UBE2F: variants seen among roughly 807,000 people sequenced by gnomAD.
The protein encoded by UBE2F is NEDD8-conjugating enzyme UBE2F.
In UBE2F, 5 loss-of-function variants were observed where a neutral mutation model predicts 29.6. The observed-to-expected ratio is 0.17, with a 90% CI of 0.09 to 0.36. The LOEUF (loss-of-function observed/expected upper bound fraction) is 0.36, where lower values mean the gene tolerates loss of function less well. Among genes scored for constraint, UBE2F ranks in the 10% least tolerant of loss-of-function variants. UBE2F has a pLI of 1.00. For missense variants in UBE2F, 141 were observed against 228.5 expected (o/e 0.62, Z 2.47); for synonymous variants, 66 against 81.8 (o/e 0.81, Z 1.04).
At chr2:238,032,832 A>G (rs372545868) in intron 8 of UBE2F, among the ~76,000 whole-genome samples, 5 of 151,996 alleles carry the variant, frequency 3.3e-5, no homozygotes, top group East Asian at 1.9e-4. Context: ...CCTTTTTTCT[A>G]TTGCTCTTTT....
At chr2:238,032,152 T>C in intron 7 of UBE2F, 70 bp from the exon 8 acceptor site, 1 of 1,256,656 alleles carries the variant, frequency 8.0e-7, no homozygotes, top group South Asian at 1.2e-5. Context: ...GCATATTTCT[T>C]GATCATGGGT....
Position 238,033,124 on chromosome 2 carries a change from A to T in UBE2F, c.444+870A>T, listed in dbSNP as rs565332006. Among the ~76,000 whole-genome samples, 248 of 152,052 alleles carry T rather than the reference A, an allele frequency of 1.6e-3. 2 individuals carry two copies. The highest frequency in any genetic ancestry group is 2.8e-3 in the Non-Finnish European group (192 of 67,996). On this transcript the variant is annotated intron_variant, in intron 8 of 9. Coordinates refer to ENST00000272930, the MANE Select transcript of UBE2F (RefSeq NM_080678.3). ...CTCCCAGGTGTTCTGGTTGGGGTGGATGATTTTGTGGTTACCCAGCCTTGA... is the reference window on the plus strand; with the variant it reads ...CTCCCAGGTGTTCTGGTTGGGGTGGTTGATTTTGTGGTTACCCAGCCTTGA...
At chr2:237,991,609 C>CTTTTTTTTTTTTTTTTTT (rs774476848) in intron 3 of UBE2F, among the ~76,000 whole-genome samples, 106 of 52,990 alleles carry the variant, frequency 2.0e-3, no homozygotes, top group East Asian at 2.7e-3. Context: ...TTCTTTCTTT[C>CTTTTTTTTTTTTTTTTTT]TTTTTTTTTT....
chr2:238,018,518 T>C (rs890958309), intron 5 of UBE2F, among the ~76,000 whole-genome samples: 14 of 152,118 alleles, frequency 9.2e-5, no homozygotes, highest in African/African-American at 3.4e-4. Context: ...CCAGGTGTCT[T>C]GACTCACATT....
intron 4 of UBE2F, among the ~76,000 whole-genome samples, chr2:238,006,692 C>T (rs115277657): frequency 1.7e-3 from 257 of 151,936 alleles, no homozygotes; most frequent in Non-Finnish European, 2.8e-3. Context: ...TTGTCTAAGA[C>T]TTCCAGTACA....
chr2:238,030,649 C>T, intron 7 of UBE2F, 36 bp downstream of exon 7: 2 of 1,550,514 alleles, frequency 1.3e-6, no homozygotes, highest in Non-Finnish European at 1.8e-6. Context: ...CATAAGTTGT[C>T]CCTGTGGTCC....
chr2:237,998,479 G>A (rs1191013907), intron 4 of UBE2F, among the ~76,000 whole-genome samples: 1 of 152,050 alleles, frequency 6.6e-6, no homozygotes, highest in East Asian at 1.9e-4. Context: ...GTGTGAATCA[G>A]TAGTTTATTC....
chr2:238,017,154 T>G (rs1576626925), intron 5 of UBE2F, among the ~76,000 whole-genome samples: 2 of 152,150 alleles, frequency 1.3e-5, no homozygotes, highest in Non-Finnish European at 2.9e-5. Context: ...TTAGGAGAGA[T>G]AAAGTGTAGA....
intron 5 of UBE2F, among the ~76,000 whole-genome samples, chr2:238,024,384 C>T (rs1333843979): frequency 2.0e-5 from 3 of 152,124 alleles, no homozygotes; most frequent in Admixed American, 2.0e-4. Flanking sequence ...CTCGCTCTGT[C>T]ACCCAGGCTG....
Position 237,987,976 on chromosome 2 carries a change from T to C in UBE2F, c.132T>C (p.Leu44=). 1.3e-6 allele frequency: 2 copies of C among 1,507,900 alleles called. No homozygotes were observed. The highest frequency in any genetic ancestry group is 2.4e-5 in the East Asian group (1 of 41,446). The allele number at this position is 1,507,900 out of a possible 1,614,324, so 93.4% of individuals were successfully genotyped here. A position where few individuals can be genotyped will look rare whatever the true frequency, so the allele number is the denominator to read the frequency against. The change falls in exon 3 of 10, where the codon CTT becomes CTC. Residue 44 remains leucine (L), a synonymous_variant. Coordinates refer to ENST00000272930, the MANE Select transcript of UBE2F (RefSeq NM_080678.3). ...TTGTTTCTACAGAGGTTGCAGAACT[T>C]GAAGCTAATTTACCTTGTAAGTATA... ...DKLLVKEVAE[L]EANLPCTCKV... is the part of the protein sequence containing the mutation.
chr2:238,037,706 G>C (rs1046461455), intron 9 of UBE2F, among the ~76,000 whole-genome samples: 1 of 152,156 alleles, frequency 6.6e-6, no homozygotes, highest in Admixed American at 6.5e-5. Flanking sequence ...CCCGGGTTCA[G>C]GCAATTCTTG....
intron 9 of UBE2F, among the ~76,000 whole-genome samples, chr2:238,041,023 G>T (rs2064826289): frequency 6.6e-6 from 1 of 152,140 alleles, no homozygotes. Context: ...AATGAGAAGG[G>T]ATAGGTACCC....
At chr2:238,000,518 T>A (rs1446895745) in intron 4 of UBE2F, among the ~76,000 whole-genome samples, 1 of 152,248 alleles carries the variant, frequency 6.6e-6, no homozygotes, top group Non-Finnish European at 1.5e-5. Context: ...TGTTGAATTG[T>A]ATTCTATTGT....
At chr2:237,973,044 G>A (rs1282981292) in intron 1 of UBE2F, 48 bp from the exon 2 acceptor site, 9 of 1,540,212 alleles carry the variant, frequency 5.8e-6, no homozygotes, top group Non-Finnish European at 7.9e-6. Context: ...TGTCTAATTA[G>A]TCTCTGGAGA....
chr2:237,974,501 G>GTTTTTTTTTTTTTTTTTTTTT (rs370519965), intron 2 of UBE2F, among the ~76,000 whole-genome samples: 1 of 108,582 alleles, frequency 9.2e-6, no homozygotes, highest in Non-Finnish European at 1.7e-5. Flanking sequence ...AATTTTTGTG[G>GTTTTTTTTTTTTTTTTTTTTT]TTTTTTTTTT....
intron 4 of UBE2F, among the ~76,000 whole-genome samples, chr2:238,002,754 G>T (rs1251727914): frequency 1.3e-5 from 2 of 151,922 alleles, no homozygotes; most frequent in Non-Finnish European, 2.9e-5. Context: ...TGGGATTACA[G>T]GTGTGCACCA....
chr2:237,973,306 A>G (rs1272842355), intron 2 of UBE2F, 81 bp downstream of exon 2: 1 of 1,450,540 alleles, frequency 6.9e-7, no homozygotes, highest in East Asian at 2.3e-5. Context: ...GATATAAAGC[A>G]ACCTACTGCT....
intron 6 of UBE2F, among the ~76,000 whole-genome samples, chr2:238,028,707 A>G (rs183088118): frequency 5.8e-4 from 89 of 152,342 alleles, no homozygotes; most frequent in Admixed American, 1.0e-3. Context: ...TTCACAGACA[A>G]TTAAGATTAT....
At chr2:237,981,369 G>C (rs565654356) in intron 2 of UBE2F, among the ~76,000 whole-genome samples, 1 of 147,114 alleles carries the variant, frequency 6.8e-6, no homozygotes, top group Non-Finnish European at 1.5e-5. Context: ...CACTGTGGGA[G>C]TGTGCCTGGC....
Sources: gnomAD v4.1 joint callset for allele counts (sites outside exome capture counted in the v4.1 genomes callset) on GRCh38, gnomAD v4.1.1 for gene constraint, MANE v1.5 for transcripts, NCBI Gene and HGNC (gene_info 2026-07-23, HGNC 2026-07-21) for gene names.